EXOC6B: variants seen among roughly 807,000 people sequenced by gnomAD.
The protein encoded by EXOC6B is exocyst complex component 6B.
In EXOC6B, 54 loss-of-function variants were observed where a neutral mutation model predicts 113.5. That is an observed-to-expected ratio of 0.48 (90% CI 0.38 to 0.60). The LOEUF (loss-of-function observed/expected upper bound fraction) is 0.60, where lower values mean the gene tolerates loss of function less well. Among genes scored for constraint, EXOC6B ranks in the 20% least tolerant of loss-of-function variants. EXOC6B has a pLI of 0.00. For synonymous variants in EXOC6B, 357 were observed against 339.0 expected, an observed-to-expected ratio of 1.05 and a Z score of -0.58; for missense variants, 797 against 977.5, an observed-to-expected ratio of 0.82 and a Z score of 2.46.
At chr2:72,313,164 TACACAGAGAGGAACA>T (rs11272395) in intron 20 of EXOC6B, among the ~76,000 whole-genome samples, 53,603 of 151,670 alleles carry the variant, frequency 0.35, 15,604 homozygotes, top group African/African-American at 0.81. Context: ...AACACATGGA[TACACAGAGAGGAACA>T]ACACAGAGAG....
At chr2:72,571,285 C>T (rs1301613642) in intron 7 of EXOC6B, among the ~76,000 whole-genome samples, 1 of 152,100 alleles carries the variant, frequency 6.6e-6, no homozygotes, top group Non-Finnish European at 1.5e-5. Flanking sequence ...TATGGTGGCT[C>T]ATGCCTGTAA....
rs77247430 is a variant in EXOC6B at position 72,532,098 on chromosome 2, C to T, written c.916-16972G>A. ...AATATTTATAAAATGAAATATCACC[C>T]CAGGATCAAAAGGGAAAATACTGAT... On this transcript the variant is annotated intron_variant, in intron 8 of 21. Coordinates refer to ENST00000272427, the MANE Select transcript of EXOC6B (RefSeq NM_015189.3). Among the ~76,000 whole-genome samples, 461 of 152,184 alleles carry T rather than the reference C, an allele frequency of 3.0e-3. 19 individuals carry two copies. In the East Asian group the frequency reaches 0.072, roughly 24 times the overall value.
chr2:72,208,132 T>C (rs1416984773), intron 20 of EXOC6B, among the ~76,000 whole-genome samples: 1 of 152,134 alleles, frequency 6.6e-6, no homozygotes, highest in African/African-American at 2.4e-5. Flanking sequence ...TGCAGATTTG[T>C]TACGTGGGTA....
chr2:72,626,184 C>T (rs761526256), intron 6 of EXOC6B, among the ~76,000 whole-genome samples: 6 of 152,104 alleles, frequency 3.9e-5, no homozygotes, highest in Non-Finnish European at 8.8e-5. Context: ...AGATAATCCT[C>T]AATTCATTCT....
At chr2:72,541,203 A>G (rs1032227925) in intron 8 of EXOC6B, among the ~76,000 whole-genome samples, 4 of 152,268 alleles carry the variant, frequency 2.6e-5, no homozygotes, top group African/African-American at 9.6e-5. Flanking sequence ...TACTCTTGCC[A>G]CTGCCATGTA....
At chr2:72,392,827 G>A (rs113835116) in intron 18 of EXOC6B, among the ~76,000 whole-genome samples, 1,995 of 152,106 alleles carry the variant, frequency 0.013, 60 homozygotes, top group African/African-American at 0.046. Context: ...TACTCTGAAA[G>A]GACCTTATAC....
chr2:72,811,403 G>A (rs1685916414), intron 1 of EXOC6B, among the ~76,000 whole-genome samples: 1 of 152,112 alleles, frequency 6.6e-6, no homozygotes, highest in South Asian at 2.1e-4. Flanking sequence ...TCACCAATAT[G>A]ACACAGTAAT....
At chr2:72,217,399 G>T (rs1369013435) in intron 20 of EXOC6B, among the ~76,000 whole-genome samples, 2 of 152,162 alleles carry the variant, frequency 1.3e-5, no homozygotes, top group East Asian at 3.9e-4. Context: ...CAGTGGCACA[G>T]AATCAGGGTA....
chr2:72,806,520 C>T (rs1272857067), intron 1 of EXOC6B, among the ~76,000 whole-genome samples: 4 of 152,050 alleles, frequency 2.6e-5, no homozygotes, highest in South Asian at 2.1e-4. Flanking sequence ...TTTGGAAGAA[C>T]GATTTATTTT....
At chr2:72,440,613 C>A (rs1479854459) in intron 18 of EXOC6B, among the ~76,000 whole-genome samples, 1 of 152,148 alleles carries the variant, frequency 6.6e-6, no homozygotes, top group African/African-American at 2.4e-5. Flanking sequence ...TATAAAGCAA[C>A]CACATAAACA....
At chr2:72,735,712 A>G (rs1680904537) in intron 2 of EXOC6B, among the ~76,000 whole-genome samples, 1 of 151,962 alleles carries the variant, frequency 6.6e-6, no homozygotes, top group Non-Finnish European at 1.5e-5. Context: ...GCTACTTGGG[A>G]GGCTGAGGCA....
intron 6 of EXOC6B, among the ~76,000 whole-genome samples, chr2:72,597,907 TATGCAC>T (rs1470511385): frequency 5.9e-5 from 9 of 151,902 alleles, no homozygotes; most frequent in Non-Finnish European, 1.2e-4. Context: ...CCTTAGTGGG[TATGCAC>T]CTAACAACAG....
At chr2:72,717,922 C>T (rs979697881) in intron 6 of EXOC6B, among the ~76,000 whole-genome samples, 181 bp downstream of exon 6, 4 of 152,132 alleles carry the variant, frequency 2.6e-5, no homozygotes, top group South Asian at 4.1e-4. Flanking sequence ...GCAAATTGTC[C>T]ATTGCTCTGT....
At chr2:72,750,852 G>A (rs766196142) in intron 1 of EXOC6B, among the ~76,000 whole-genome samples, 2 of 151,946 alleles carry the variant, frequency 1.3e-5, no homozygotes, top group South Asian at 2.1e-4. Flanking sequence ...TATACTTCTA[G>A]GAATTCTCAC....
At chr2:72,763,816 C>T (rs574973295) in intron 1 of EXOC6B, among the ~76,000 whole-genome samples, 1 of 152,150 alleles carries the variant, frequency 6.6e-6, no homozygotes, top group South Asian at 2.1e-4. Context: ...TGTGGTGGCT[C>T]ATACCTGTAA....
chr2:72,368,007 G>A (rs1690746595), intron 19 of EXOC6B, among the ~76,000 whole-genome samples: 1 of 152,094 alleles, frequency 6.6e-6, no homozygotes, highest in Non-Finnish European at 1.5e-5. Flanking sequence ...TCTTAGTGTT[G>A]GGCTGGGCTC....
At chr2:72,698,394 G>T (rs1225265120) in intron 6 of EXOC6B, among the ~76,000 whole-genome samples, 1 of 152,124 alleles carries the variant, frequency 6.6e-6, no homozygotes, top group Non-Finnish European at 1.5e-5. Context: ...TAAAGAAAAA[G>T]GGAGCATCTC....
chr2:72,260,375 A>AG (rs1425492943), intron 20 of EXOC6B, among the ~76,000 whole-genome samples: 2 of 152,232 alleles, frequency 1.3e-5, no homozygotes, highest in African/African-American at 4.8e-5. Flanking sequence ...CTTTGTATCC[A>AG]GCCTGTAGGA....
Position 72,590,937 on chromosome 2 carries a change from G to T in EXOC6B, c.670-15269C>A, listed in dbSNP as rs567896563. ...AAAAATTGAGTTTTGATGAACCATA[G>T]TAGAGAGCTAAGAAGTGTGTCAGAG... On this transcript the variant is annotated intron_variant, in intron 6 of 21. Coordinates refer to ENST00000272427, the MANE Select transcript of EXOC6B (RefSeq NM_015189.3). Among the ~76,000 whole-genome samples, 4 of 152,104 alleles carry T rather than the reference G, an allele frequency of 2.6e-5. No homozygotes were observed. The East Asian group carries it at 7.7e-4, about 29-fold the overall frequency.
Sources: gnomAD v4.1 joint callset for allele counts (sites outside exome capture counted in the v4.1 genomes callset) on GRCh38, gnomAD v4.1.1 for gene constraint, MANE v1.5 for transcripts, NCBI Gene and HGNC (gene_info 2026-07-23, HGNC 2026-07-21) for gene names.